Variants in NRXN3 observed in about 807,000 individuals in gnomAD.
The protein encoded by NRXN3 is neurexin 3.
Under a neutral mutation model 137.6 loss-of-function variants are expected in NRXN3, and 32 were observed. That is an observed-to-expected ratio of 0.23 (90% CI 0.18 to 0.31). The LOEUF (loss-of-function observed/expected upper bound fraction) is 0.31. NRXN3 is among the 10% of genes least tolerant of loss of function. NRXN3 has a pLI of 1.00. For synonymous variants in NRXN3, 798 were observed against 784.5 expected (o/e 1.02, Z -0.29); for missense variants, 1,574 against 2,062.5 (o/e 0.76, Z 4.59).
chr14:79,599,076 GT>G (rs2097894462), intron 16 of NRXN3, among the ~76,000 whole-genome samples: 1 of 152,296 alleles, frequency 6.6e-6, no homozygotes, highest in Non-Finnish European at 1.5e-5. Context: ...CTTTTCAAAT[GT>G]TTTTTGACAT....
intron 4 of NRXN3, among the ~76,000 whole-genome samples, chr14:78,634,604 C>G (rs902776246): frequency 6.6e-6 from 1 of 152,194 alleles, no homozygotes; most frequent in African/African-American, 2.4e-5. Flanking sequence ...CATTGCTTTA[C>G]CCATCACTCA....
intron 16 of NRXN3, among the ~76,000 whole-genome samples, chr14:79,638,132 T>C (rs941405769): frequency 6.6e-6 from 1 of 152,202 alleles, no homozygotes; most frequent in African/African-American, 2.4e-5. Context: ...ATTTGTCACC[T>C]GCCACTTGTC....
At chr14:78,474,531 A>T (rs2095344138) in intron 4 of NRXN3, among the ~76,000 whole-genome samples, 1 of 152,240 alleles carries the variant, frequency 6.6e-6, no homozygotes, top group African/African-American at 2.4e-5. Context: ...GGTGAGAATT[A>T]TGACTTATGG....
intron 4 of NRXN3, among the ~76,000 whole-genome samples, chr14:78,452,538 G>T (rs2094575758): frequency 6.6e-6 from 1 of 152,128 alleles, no homozygotes; most frequent in African/African-American, 2.4e-5. Flanking sequence ...AGGAATATGT[G>T]GAGGATCTTT....
rs749622842 is a variant in NRXN3, at chr14:78,966,392, C to A, written c.2763C>A (p.Val921=). Residue 921 remains valine (V), a synonymous_variant, in exon 12 of 21, where the codon GTC becomes GTA. Coordinates refer to ENST00000335750, the MANE Select transcript of NRXN3 (RefSeq NM_001330195.2). ...GTGATGGCAATGACTTCATTGCAGT[C>A]GAGCTTGTCAAGGGGTAAGTAGAAG... ...NSGDGNDFIA[V]ELVKGYIHYV... 1.2e-6 allele frequency: 2 copies of A among 1,612,152 alleles called. No homozygotes were observed. Among genetic ancestry groups the A allele is most frequent in the South Asian group, 2.2e-5 (2 of 90,926 alleles).
intron 15 of NRXN3, among the ~76,000 whole-genome samples, chr14:79,217,519 C>G (rs2068750942): frequency 1.3e-5 from 2 of 151,928 alleles, no homozygotes; most frequent in East Asian, 3.9e-4. Context: ...CAAACCATAT[C>G]AAATATCATA....
chr14:78,291,259 A>G (rs1303684104), intron 3 of NRXN3, among the ~76,000 whole-genome samples: 1 of 152,208 alleles, frequency 6.6e-6, no homozygotes, highest in East Asian at 1.9e-4. Flanking sequence ...TTTAGCTCTC[A>G]GCTTCGGTTT....
chr14:79,133,951 AG>A (rs58036691), intron 15 of NRXN3, among the ~76,000 whole-genome samples: 81,173 of 140,200 alleles, frequency 0.58, 23,711 homozygotes, highest in East Asian at 0.77. Flanking sequence ...AAAAAAAAAA[AG>A]GAAAGAAAAA....
intron 3 of NRXN3, among the ~76,000 whole-genome samples, chr14:78,280,552 G>T (rs1266746987): frequency 6.6e-6 from 1 of 152,198 alleles, no homozygotes; most frequent in Non-Finnish European, 1.5e-5. Context: ...TCCCAGCAGA[G>T]AAGTGACCAG....
chr14:78,298,152 T>G (rs550340549), intron 4 of NRXN3, among the ~76,000 whole-genome samples: 1 of 152,370 alleles, frequency 6.6e-6, no homozygotes, highest in South Asian at 2.1e-4. Flanking sequence ...AAACCAGGCA[T>G]GACGGTGTCG....
At position 78,949,601 on chromosome 14, in the gene NRXN3, TTTAA is replaced by T. The variant is rs202080685; in HGVS notation, c.2276-7640_2276-7637del. 6.9e-3 allele frequency among the ~76,000 whole-genome samples: 928 copies of T among 134,662 alleles called. 10 individuals carry two copies. The highest frequency in any genetic ancestry group is 0.031 in the African/African-American group (893 of 28,698). The allele number at this position is 134,662 out of a possible 152,430, so 88.3% of individuals were successfully genotyped here. On this transcript the variant is annotated intron_variant, in intron 10 of 20. Coordinates refer to ENST00000335750, the MANE Select transcript of NRXN3 (RefSeq NM_001330195.2). ...AAGGGCATAGAAGTGAATTTTTTTT[TTTAA>T]AAAAAAACTACAATACAAGGAATAG... is the stretch of plus-strand genomic sequence containing the variant.
intron 4 of NRXN3, among the ~76,000 whole-genome samples, chr14:78,573,454 A>G (rs1451311999): frequency 1.3e-5 from 2 of 152,212 alleles, no homozygotes; most frequent in Non-Finnish European, 2.9e-5. Context: ...GATATAAACA[A>G]TGAAGTCCTC....
In NRXN3 at chr14:78,334,756, G is replaced by A. The variant is rs191259677; in HGVS notation, c.757+36896G>A. Among the ~76,000 whole-genome samples, 5 of 152,264 alleles carry A rather than the reference G, an allele frequency of 3.3e-5. No individual in the cohort carries two copies. The East Asian group carries it at 9.6e-4, about 29-fold the overall frequency. On this transcript the variant is annotated intron_variant, in intron 4 of 20. Transcript: ENST00000335750. ...TGTTAATTCTGGACCTCTCAGTGGG[G>A]ATGGGTAGTAATTAGGGAGTCCTAT...
intron 10 of NRXN3, among the ~76,000 whole-genome samples, chr14:78,843,314 G>T (rs530134763): frequency 6.6e-6 from 1 of 152,002 alleles, no homozygotes; most frequent in Non-Finnish European, 1.5e-5. Context: ...ATCTGTTTGG[G>T]TTATTGTCCC....
At chr14:79,831,875 T>C (rs1199125527) in intron 20 of NRXN3, among the ~76,000 whole-genome samples, 1 of 152,146 alleles carries the variant, frequency 6.6e-6, no homozygotes, top group Admixed American at 6.6e-5. Flanking sequence ...TCCGAGTTTT[T>C]CATGTCTTCT....
At chr14:79,296,236 GC>G (rs1252693815) in intron 15 of NRXN3, among the ~76,000 whole-genome samples, 1 of 152,108 alleles carries the variant, frequency 6.6e-6, no homozygotes, top group African/African-American at 2.4e-5. Context: ...GAGTGAGTGG[GC>G]TGAAAAGGTA....
chr14:78,504,756 G>C (rs549267875), intron 4 of NRXN3, among the ~76,000 whole-genome samples: 1 of 152,238 alleles, frequency 6.6e-6, no homozygotes, highest in Non-Finnish European at 1.5e-5. Flanking sequence ...TTCCCACTAT[G>C]TGCCACACCC....
intron 4 of NRXN3, among the ~76,000 whole-genome samples, chr14:78,462,017 C>T (rs2094935390): frequency 6.6e-6 from 1 of 152,166 alleles, no homozygotes; most frequent in African/African-American, 2.4e-5. Context: ...TTTAAATTTC[C>T]TCCTAACAAA....
At chr14:78,706,626 A>G (rs1403669406) in intron 6 of NRXN3, among the ~76,000 whole-genome samples, 1 of 152,130 alleles carries the variant, frequency 6.6e-6, no homozygotes, top group East Asian at 1.9e-4. Context: ...AAATAAGGCA[A>G]TGATTACAGG....
Sources: gnomAD v4.1 joint callset for allele counts (sites outside exome capture counted in the v4.1 genomes callset) on GRCh38, gnomAD v4.1.1 for gene constraint, MANE v1.5 for transcripts, NCBI Gene and HGNC (gene_info 2026-07-23, HGNC 2026-07-21) for gene names.